APOBEC3H: variants seen among roughly 807,000 people sequenced by gnomAD.
APOBEC3H encodes DNA dC->dU-editing enzyme APOBEC-3H.
Under a neutral mutation model 21.2 loss-of-function variants are expected in APOBEC3H, and 8 were observed. The ratio of observed to expected loss-of-function variants is 0.38; its 90% confidence interval spans 0.22 to 0.68. The LOEUF is 0.68. APOBEC3H is among the 30% of genes least tolerant of loss of function. APOBEC3H has a pLI of 0.52. For missense variants in APOBEC3H, 229 were observed against 228.1 expected (o/e 1.00, Z -0.03); for synonymous variants, 88 against 91.0 (o/e 0.97, Z 0.19).
intron 3 of APOBEC3H, 57 bp from the exon 4 acceptor site, chr22:39,101,861 T>A: frequency 6.2e-7 from 1 of 1,612,860 alleles, no homozygotes; most frequent in Non-Finnish European, 8.5e-7. Flanking sequence ...AAGCAAGAGC[T>A]CCTGGCACTG....
intron 2 of APOBEC3H, 75 bp downstream of exon 2, chr22:39,100,503 T>C: frequency 6.5e-7 from 1 of 1,536,326 alleles, no homozygotes; most frequent in Non-Finnish European, 8.8e-7. Flanking sequence ...ATACATGAAA[T>C]GCCTGCCTAT....
At chr22:39,102,413 G>C (rs575411117) in intron 4 of APOBEC3H, 2 of 701,190 alleles carry the variant, frequency 2.9e-6, no homozygotes, top group African/African-American at 3.5e-5. Context: ...GCCTCCCAAA[G>C]TGCTGGGATT....
chr22:39,103,807 T>G lies in APOBEC3H; in HGVS notation c.*110T>G. ...CTTTCCCTGGGGCATGTCAGTTGCC[T>G]CATAGCCTGCTGGTCCTGTAAGCAA... On this transcript the variant is annotated 3_prime_UTR_variant, in exon 5 of 5. Coordinates refer to ENST00000442487, the MANE Select transcript of APOBEC3H (RefSeq NM_181773.5). The G allele has an allele frequency of 7.2e-7, 1 of 1,388,260 alleles. No individual in the cohort carries two copies. Among genetic ancestry groups the G allele is most frequent in the East Asian group, 2.3e-5 (1 of 43,852 alleles). The allele number at this position is 1,388,260 out of a possible 1,614,324, so 86.0% of individuals were successfully genotyped here.
chr22:39,099,971 G>C (rs920982883), intron 1 of APOBEC3H, among the ~76,000 whole-genome samples: 9 of 152,298 alleles, frequency 5.9e-5, no homozygotes, highest in Middle Eastern at 3.4e-3. Context: ...TCAGGAGTTC[G>C]AGACCAGCCT....
At chr22:39,098,867 C>T (rs1929143387) in intron 1 of APOBEC3H, among the ~76,000 whole-genome samples, 2 of 152,160 alleles carry the variant, frequency 1.3e-5, no homozygotes. Context: ...AAAAGGAGCT[C>T]AGGCCCTCGG....
chr22:39,100,830 C>T (rs1929271541), intron 2 of APOBEC3H, among the ~76,000 whole-genome samples: 1 of 152,180 alleles, frequency 6.6e-6, no homozygotes, highest in South Asian at 2.1e-4. Flanking sequence ...CTCCCCGCCT[C>T]CCCGCCCCCC....
intron 2 of APOBEC3H, 101 bp from the exon 3 acceptor site, chr22:39,101,136 G>GGCCCCC: frequency 2.6e-6 from 1 of 378,520 alleles, no homozygotes; most frequent in Non-Finnish European, 5.0e-6. Context: ...AGACCCCTCT[G>GGCCCCC]CCCCCCCATC....
intron 4 of APOBEC3H, among the ~76,000 whole-genome samples, chr22:39,103,025 GC>G (rs1457913322): frequency 2.7e-5 from 4 of 146,666 alleles, no homozygotes; most frequent in African/African-American, 1.0e-4. Context: ...GAGGACTCAT[GC>G]CTGTAATCCC....
At chr22:39,102,370 G>C (rs924454194) in intron 4 of APOBEC3H, 2 of 468,712 alleles carry the variant, frequency 4.3e-6, no homozygotes, top group Non-Finnish European at 7.3e-6. Context: ...GCTGGTCTTA[G>C]AACTCTTGGC....
At chr22:39,099,144 G>A (rs1929160981) in intron 1 of APOBEC3H, among the ~76,000 whole-genome samples, 1 of 152,116 alleles carries the variant, frequency 6.6e-6, no homozygotes, top group Admixed American at 6.6e-5. Flanking sequence ...AACCTGGTAG[G>A]TGGAGCTTGC....
chr22:39,103,772 C>A lies in APOBEC3H; in HGVS notation c.*75C>A. ...TATCCCACTCATTATCAAGAAGCAA[C>A]TCAAGATGACTTTCCCTGGGGCATG... is the stretch of plus-strand genomic sequence containing the variant. On this transcript the variant is annotated 3_prime_UTR_variant, in exon 5 of 5. Coordinates refer to ENST00000442487, the MANE Select transcript of APOBEC3H (RefSeq NM_181773.5). 6.4e-7 allele frequency: 1 copy of A among 1,565,222 alleles called. No homozygotes were observed. Among genetic ancestry groups the A allele is most frequent in the Non-Finnish European group, 8.8e-7 (1 of 1,135,764 alleles).
At chr22:39,100,841 G>A (rs1171702214) in intron 2 of APOBEC3H, among the ~76,000 whole-genome samples, 1 of 144,752 alleles carries the variant, frequency 6.9e-6, no homozygotes, top group African/African-American at 2.5e-5. Flanking sequence ...CCCGCCCCCC[G>A]CCCCGGCTCT....
intron 3 of APOBEC3H, 89 bp from the exon 4 acceptor site, chr22:39,101,829 G>A (rs1050746281): frequency 2.5e-6 from 4 of 1,590,438 alleles, no homozygotes; most frequent in Non-Finnish European, 3.4e-6. Context: ...TCCAGGGAGA[G>A]GAAGAGAAGA....
chr22:39,102,041 A>G lies in APOBEC3H; in HGVS notation c.542A>G (p.Lys181Arg), dbSNP rs759491853. 1.2e-6 allele frequency: 2 copies of G among 1,613,426 alleles called. No homozygotes were observed. Among genetic ancestry groups the G allele is most frequent in the Non-Finnish European group, 8.5e-7 (1 of 1,179,692 alleles). The stretch of plus-strand genomic sequence containing the variant: ...ATAAAGCGACGGCTTGAGAGGATAA[A>G]GGTGAGGCACTGTCCTGCCTGCTGC... Reference protein sequence around the residue: ...RAIKRRLERIKQS With the variant: ...RAIKRRLERIRQS The change falls in exon 4 of 5, where the codon AAG (lysine) becomes AGG (arginine). Residue 181 changes from lysine (K) to arginine (R), a missense_variant and splice_region_variant. Physicochemically the swap from Lys to Arg is conservative, Grantham distance 26. Transcript: ENST00000442487.
rs1372676517 is a variant in APOBEC3H, at chr22:39,101,424, A to G, written c.338A>G (p.Tyr113Cys). Reference protein sequence around the residue: ...NLGIFASRLYYHWCKPQQKGL... With the variant: ...NLGIFASRLYCHWCKPQQKGL... Reference sequence around the variant, plus strand: ...GGCATCTTCGCCTCCCGCCTGTACTACCACTGGTGCAAGCCCCAGCAGAAG... The same window carrying G: ...GGCATCTTCGCCTCCCGCCTGTACTGCCACTGGTGCAAGCCCCAGCAGAAG... The change falls in exon 3 of 5, where the codon TAC becomes TGC. Residue 113 changes from tyrosine to cysteine, a missense_variant. By Grantham distance (194) the Tyr-to-Cys change is radical. Coordinates refer to ENST00000442487, the MANE Select transcript of APOBEC3H (RefSeq NM_181773.5). The G allele has an allele frequency of 3.5e-5, 57 of 1,610,746 alleles. No homozygotes were observed. The highest frequency in any genetic ancestry group is 4.6e-5 in the Non-Finnish European group (54 of 1,179,268).
intron 4 of APOBEC3H, chr22:39,102,662 T>A: frequency 1.5e-6 from 1 of 682,760 alleles, no homozygotes; most frequent in Non-Finnish European, 2.7e-6. Flanking sequence ...GTCTCCAGCG[T>A]CTATTATTTA....
In APOBEC3H at chr22:39,100,438, G is replaced by A. The variant is rs563921695; in HGVS notation, c.150+10G>A. The stretch of plus-strand genomic sequence containing the variant: ...CTACTTTGAAAACAAGGTGCCACAC[G>A]GGCTCTCTGGGCACAGGGCCGGCAG... On this transcript the variant is annotated intron_variant, in intron 2 of 4. Transcript: ENST00000442487. 2.7e-5 allele frequency: 43 copies of A among 1,611,578 alleles called. No homozygotes were observed. In the East Asian group the frequency reaches 7.4e-4, roughly 28 times the overall value.
rs146140548 is a variant in APOBEC3H, at chr22:39,098,297, C to T, written c.-8+954C>T. Among the ~76,000 whole-genome samples the T allele has an allele frequency of 6.0e-3, 911 of 152,164 alleles. 5 individuals are homozygous for T. The highest frequency in any genetic ancestry group is 0.02 in the African/African-American group (843 of 41,522). Reference sequence around the variant, plus strand: ...TCTCAGTCTGTTGCCCAGGCTGGAGCGCAATCTCGGCTCACTACAAGCTCC... The same window carrying T: ...TCTCAGTCTGTTGCCCAGGCTGGAGTGCAATCTCGGCTCACTACAAGCTCC... On this transcript the variant is annotated intron_variant, in intron 1 of 4. Coordinates refer to ENST00000442487, the MANE Select transcript of APOBEC3H (RefSeq NM_181773.5).
Position 39,101,999 on chromosome 22 carries a change from A to AT in APOBEC3H, c.501dup (p.Lys168Ter). On this transcript the variant is annotated frameshift_variant, in exon 4 of 5. Coordinates refer to ENST00000442487, the MANE Select transcript of APOBEC3H (RefSeq NM_181773.5). LOFTEE classifies it low-confidence loss of function (END_TRUNC). The stretch of plus-strand genomic sequence containing the variant: ...CCCTATAAGATGTTAGAGGAGCTAG[A>AT]TAAAAACAGTCGAGCCATAAAGCGA... 1 of 1,613,800 alleles carries AT rather than the reference A, an allele frequency of 6.2e-7. No individual in the cohort carries two copies. The highest frequency in any genetic ancestry group is 8.5e-7 in the Non-Finnish European group (1 of 1,179,884).
Sources: allele counts gnomAD v4.1 joint callset (sites outside exome capture counted in the v4.1 genomes callset), GRCh38; gene constraint gnomAD v4.1.1; transcripts MANE v1.5; gene names NCBI Gene and HGNC (gene_info 2026-07-23, HGNC 2026-07-21).